The following C4orf50 variants were observed in gnomAD, a reference collection of about 807,000 sequenced individuals.
The protein encoded by C4orf50 is chromosome 4 open reading frame 50.
A neutral mutation model predicts 77.2 loss-of-function variants in C4orf50; 80 were observed. The ratio of observed to expected loss-of-function variants is 1.04; its 90% CI spans 0.87 to 1.25. The LOEUF (loss-of-function observed/expected upper bound fraction) is 1.25. Among genes scored for constraint, C4orf50 ranks in the 50% most tolerant of loss-of-function variants. The pLI is 0.00. For missense variants in C4orf50, 1,257 were observed against 1,152.9 expected, an observed-to-expected ratio of 1.09 and a Z score of -1.31; for synonymous variants, 532 against 465.3, an observed-to-expected ratio of 1.14 and a Z score of -1.84.
At chr4:5,991,995 A>G (rs61611673) in intron 27 of C4orf50, among the ~76,000 whole-genome samples, 28,276 of 152,046 alleles carry the variant, frequency 0.19, 2,808 homozygotes, top group African/African-American at 0.21. Context: ...TTGCCCCAGA[A>G]AGGTACAGAC....
chr4:5,994,862 C>A (rs2108796216), intron 25 of C4orf50, among the ~76,000 whole-genome samples: 1 of 152,280 alleles, frequency 6.6e-6, no homozygotes, highest in Non-Finnish European at 1.5e-5. Flanking sequence ...GGCGAGCAGG[C>A]ATTACCGCCT....
At chr4:5,966,510 T>TA (rs1232567796) in intron 32 of C4orf50, among the ~76,000 whole-genome samples, 15 of 145,656 alleles carry the variant, frequency 1.0e-4, no homozygotes, top group East Asian at 4.0e-4. Flanking sequence ...ATAGCAGAAT[T>TA]AAAAAAAAAA....
chr4:5,996,482 A>C (rs73196043), intron 25 of C4orf50, among the ~76,000 whole-genome samples: 6,861 of 151,476 alleles, frequency 0.045, 216 homozygotes, highest in South Asian at 0.078. Flanking sequence ...TGCTCCTGGA[A>C]GGAACTCTTC....
rs184992556 is a variant in C4orf50 at position 5,908,090 on chromosome 4, T to C, written c.*2475-9902A>G. On this transcript the variant is annotated intron_variant, in intron 7 of 7. Transcript: ENST00000324058. The surrounding 1 kb of genome is among the most constrained non-coding windows in gnomAD (Gnocchi z 5.6). ...GCTTGTTTATTCATTCACTCATTTA[T>C]TTGCTCATTTTTAAGTACCTACTAT... Among the ~76,000 whole-genome samples, 5 of 152,306 alleles carry C rather than the reference T, an allele frequency of 3.3e-5. No homozygotes were observed. Among genetic ancestry groups the C allele is most frequent in the Admixed American group, 1.3e-4 (2 of 15,314 alleles).
At chr4:5,979,740 A>C (rs1486319553) in intron 29 of C4orf50, among the ~76,000 whole-genome samples, 2 of 152,248 alleles carry the variant, frequency 1.3e-5, no homozygotes, top group Non-Finnish European at 2.9e-5. Context: ...TGTCACAACC[A>C]GGAATTGAAA....
At chr4:5,959,203 A>G in exon 34 of C4orf50, 1 of 741,298 alleles carries the variant, frequency 1.3e-6, no homozygotes, top group Non-Finnish European at 2.2e-6. Flanking sequence ...GGCACAGGCC[A>G]GCGTTTCTCT....
At chr4:5,934,195 C>T (rs1020831205) in intron 7 of C4orf50, among the ~76,000 whole-genome samples, 2 of 152,036 alleles carry the variant, frequency 1.3e-5, no homozygotes, top group African/African-American at 4.8e-5. Context: ...TAGACGGCTG[C>T]ATGGTAAGGC....
chr4:6,002,248 C>T (rs4305463), intron 25 of C4orf50, among the ~76,000 whole-genome samples: 81,620 of 151,850 alleles, frequency 0.54, 23,614 homozygotes, highest in East Asian at 0.87. Context: ...CAGAGTGATG[C>T]GTCTGCAAGT....
At chr4:5,962,907 T>C (rs1719349663) in intron 33 of C4orf50, among the ~76,000 whole-genome samples, 1 of 152,220 alleles carries the variant, frequency 6.6e-6, no homozygotes, top group Non-Finnish European at 1.5e-5. Context: ...CGATGTTGCT[T>C]ACCATTCCTC....
At position 6,002,067 on chromosome 4, in the gene C4orf50, G is replaced by A. The variant is rs970599644; in HGVS notation, c.963+5929C>T. On this transcript the variant is annotated intron_variant, in intron 25 of 33. Transcript: ENST00000531445. ...CCCAAAAGAAATAGTACCTGAGAGT[G>A]TGGCCTTAGTTGAAAATAGTGTTTT... Among the ~76,000 whole-genome samples the A allele has an allele frequency of 3.9e-5, 6 of 152,230 alleles. No individual in the cohort carries two copies. In the East Asian group the frequency reaches 7.7e-4, roughly 20 times the overall value.
intron 7 of C4orf50, among the ~76,000 whole-genome samples, chr4:5,925,810 C>T (rs1183412519): frequency 6.6e-6 from 1 of 152,210 alleles, no homozygotes; most frequent in Non-Finnish European, 1.5e-5. Context: ...CTGGGACCCA[C>T]CCTTGGCAGC....
At chr4:6,004,872 T>C (rs1057070150) in intron 25 of C4orf50, among the ~76,000 whole-genome samples, 54 of 152,120 alleles carry the variant, frequency 3.5e-4, no homozygotes, top group African/African-American at 1.1e-3. Flanking sequence ...ATGCTGACAG[T>C]GAAAGAAGCT....
downstream of C4orf50, among the ~76,000 whole-genome samples, chr4:5,956,321 G>C (rs142305027): frequency 2.0e-3 from 299 of 152,264 alleles, 1 homozygote; most frequent in African/African-American, 6.3e-3. Flanking sequence ...GCTCAACTCA[G>C]AGGGCACTTC....
At chr4:6,003,697 AGTGATGGTGATGAT>A (rs1721958791) in intron 25 of C4orf50, among the ~76,000 whole-genome samples, 3 of 61,788 alleles carry the variant, frequency 4.9e-5, no homozygotes, top group Admixed American at 1.9e-4. Flanking sequence ...TGGTGATGAT[AGTGATGGTGATGAT>A]GTGATGGTGA....
intron 23 of C4orf50, among the ~76,000 whole-genome samples, chr4:6,012,532 A>G (rs757372841): frequency 9.8e-5 from 15 of 152,290 alleles, no homozygotes; most frequent in Non-Finnish European, 1.9e-4. Flanking sequence ...ACGTTTCTGC[A>G]ACTGAAAAAA....
intron 31 of C4orf50, among the ~76,000 whole-genome samples, chr4:5,971,814 G>C (rs1262076517): frequency 2.0e-5 from 3 of 151,972 alleles, no homozygotes; most frequent in Non-Finnish European, 4.4e-5. Context: ...TGTAAGTTTG[G>C]TCATTGTAAG....
intron 7 of C4orf50, among the ~76,000 whole-genome samples, chr4:5,947,764 G>A (rs902393268): frequency 6.6e-6 from 1 of 152,176 alleles, no homozygotes. Flanking sequence ...GAGATGGAAG[G>A]AAACCCCAGG....
Position 5,958,371 on chromosome 4 carries a change from C to G in C4orf50, c.*1004G>C, listed in dbSNP as rs1719086614. The G allele has an allele frequency of 6.6e-6, 1 of 152,228 alleles. No homozygotes were observed. The highest frequency in any genetic ancestry group is 2.4e-5 in the African/African-American group (1 of 41,426). The allele number at this position is 152,228 out of a possible 1,614,324, so 9.4% of individuals were successfully genotyped here. On this transcript the variant is annotated 3_prime_UTR_variant, in exon 34 of 34. Transcript: ENST00000531445. The surrounding 1 kb of genome is among the most constrained non-coding windows in gnomAD (Gnocchi z 5.4). ...TGACAAGAGCATGCTTTGCCCACTT[C>G]CCCTCCAGGGGCACATCCACAGTTC...
intron 30 of C4orf50, 84 bp from the exon 9 acceptor site, chr4:5,973,925 T>A (rs1019525155): frequency 3.0e-5 from 34 of 1,133,180 alleles, no homozygotes; most frequent in Non-Finnish European, 4.1e-5. Flanking sequence ...GAGGGTCAGC[T>A]GAGGCCCCTA....
Sources: allele counts gnomAD v4.1 joint callset (sites outside exome capture counted in the v4.1 genomes callset), GRCh38; gene constraint gnomAD v4.1.1; non-coding constraint Gnocchi (gnomAD v3.1); transcripts MANE v1.5; gene names NCBI Gene and HGNC (gene_info 2026-07-23, HGNC 2026-07-21).